ASPM: variants seen among roughly 807,000 people sequenced by gnomAD.
ASPM encodes the protein abnormal spindle-like microcephaly-associated protein.
In ASPM, 256 loss-of-function variants were observed where a neutral mutation model predicts 366.4. That is an observed-to-expected ratio of 0.70 (90% confidence interval 0.63 to 0.77). ASPM has a LOEUF of 0.77. Among genes scored for constraint, ASPM ranks in the 30% least tolerant of loss-of-function variants. The pLI is 0.00. For missense variants in ASPM, 4,146 were observed against 4,090.4 expected (o/e 1.01, Z -0.37); for synonymous variants, 1,414 against 1,342.9 (o/e 1.05, Z -1.16).
At chr1:197,144,794 T>G (rs1658718029) in intron 1 of ASPM, among the ~76,000 whole-genome samples, 1 of 152,142 alleles carries the variant, frequency 6.6e-6, no homozygotes, top group Non-Finnish European at 1.5e-5. Flanking sequence ...TCTGCCAAAT[T>G]TAAACGCTGA....
rs1657937081 is a variant in ASPM at position 197,122,372 on chromosome 1, A to G, written c.3598+16T>C. 1 of 1,613,458 alleles carries G rather than the reference A, an allele frequency of 6.2e-7. No homozygotes were observed. The highest frequency in any genetic ancestry group is 1.3e-5 in the African/African-American group (1 of 74,922). On this transcript the variant is annotated intron_variant, in intron 14 of 27. Coordinates refer to ENST00000367409, the MANE Select transcript of ASPM (RefSeq NM_018136.5). ...GACATGGCAAAAAATTGGAAAAGTA[A>G]CCAAAAGGGACTAACCATGATCAAA...
intron 17 of ASPM, among the ~76,000 whole-genome samples, chr1:197,113,408 T>C (rs1293820719): frequency 1.1e-4 from 17 of 152,052 alleles, no homozygotes; most frequent in Non-Finnish European, 2.9e-5. Context: ...ATACTGAAGG[T>C]AGCATGGCAA....
At chr1:197,088,521 T>C (rs1419853454) in intron 25 of ASPM, 89 bp from the exon 26 acceptor site, 3 of 1,324,012 alleles carry the variant, frequency 2.3e-6, no homozygotes, top group Non-Finnish European at 3.1e-6. Flanking sequence ...CAAAAGTCCA[T>C]ACTTAGTATA....
At chr1:197,128,792 T>A in intron 9 of ASPM, 127 bp from the exon 10 acceptor site, 1 of 783,294 alleles carries the variant, frequency 1.3e-6, no homozygotes, top group Non-Finnish European at 2.0e-6. Flanking sequence ...TATTATACAT[T>A]AATAATGCAA....
At chr1:197,146,095 G>T in intron 1 of ASPM, 46 bp downstream of exon 1, 2 of 1,611,508 alleles carry the variant, frequency 1.2e-6, no homozygotes, top group Non-Finnish European at 1.7e-6. Context: ...GAAAGATAGC[G>T]GAGAAGCAGA....
Position 197,104,520 on chromosome 1 carries a change from A to C in ASPM, c.4731T>G (p.Val1577=), listed in dbSNP as rs372564562. 51 of 1,612,452 alleles carry C rather than the reference A, an allele frequency of 3.2e-5. No individual in the cohort carries two copies. Among genetic ancestry groups the C allele is most frequent in the Non-Finnish European group, 4.2e-5 (50 of 1,179,306 alleles). Residue 1577 remains valine, a synonymous_variant, in exon 18 of 28, where the codon GTT becomes GTG. Transcript: ENST00000367409. ...TAGTCTTCTTAAGGTTTAAAAATCG[A>C]ACTCTGTCTTGTCTCATTCTCCAGT... ...QSYWRMRQDR[V]RFLNLKKTII...
In ASPM at chr1:197,084,472, T is replaced by C. The variant is rs190732818; in HGVS notation, c.10332-46A>G. Reference sequence around the variant, plus strand: ...GTCTGGCATTAATAAAGTTCTTCTCTTTAGAGTTACCTTCACCTTTTTTCT... The same window carrying C: ...GTCTGGCATTAATAAAGTTCTTCTCCTTAGAGTTACCTTCACCTTTTTTCT... On this transcript the variant is annotated intron_variant, in intron 27 of 27. Transcript: ENST00000367409. 1.6e-4 allele frequency: 212 copies of C among 1,341,332 alleles called. No homozygotes were observed. The African/African-American group carries it at 2.7e-3, about 17-fold the overall frequency. 83.1% of individuals were successfully genotyped at this position (1,341,332 alleles called of 1,614,324 possible). A position where few individuals can be genotyped will look rare whatever the true frequency, so the allele number is the denominator to read the frequency against.
rs1217341907 is a variant in ASPM at position 197,128,615 on chromosome 1, T to C, written c.2811A>G (p.Glu937=). The part of the protein sequence containing the change: ...LAFSRDFLSG[E]GDLSRHLGLL... ...AGCCAAGGTGACGGGAAAGGTCACC[T>C]TCACCACTTAGGAAATCTCGTGAAA... Residue 937 remains glutamate, a synonymous_variant, in exon 10 of 28, where the codon GAA becomes GAG. Transcript: ENST00000367409. 6.8e-6 allele frequency: 11 copies of C among 1,613,796 alleles called. No individual in the cohort carries two copies. Among genetic ancestry groups the C allele is most frequent in the Admixed American group, 6.7e-5 (4 of 59,978 alleles).
In ASPM at chr1:197,090,387, G is replaced by A; in HGVS notation, c.9638C>T (p.Ala3213Val). ...KFTSGIIKIQ[A>V]LWRGYSWRKK... ...CCTCCAAGAATAGCCTCTCCATAAT[G>A]CCTTAAAGAGATAAAACAGAGTAAT... Residue 3213 changes from alanine (A) to valine (V), a missense_variant and splice_region_variant, in exon 24 of 28, where the codon GCA becomes GTA. Around this residue, in one of 3 missense-constraint regions of ASPM, gnomAD observed 3,624 missense variants for 3,591.7 expected, o/e 1.01. Coordinates refer to ENST00000367409, the MANE Select transcript of ASPM (RefSeq NM_018136.5). 1 of 1,600,402 alleles carries A rather than the reference G, an allele frequency of 6.2e-7. No individual in the cohort carries two copies. Among genetic ancestry groups the A allele is most frequent in the South Asian group, 1.1e-5 (1 of 90,356 alleles).
At chr1:197,087,629 A>G (rs1187594573) in intron 26 of ASPM, among the ~76,000 whole-genome samples, 1 of 152,158 alleles carries the variant, frequency 6.6e-6, no homozygotes, top group Non-Finnish European at 1.5e-5. Flanking sequence ...TCTTCTACTT[A>G]CCTCTCAGCG....
chr1:197,107,930 T>G (rs1018147597), intron 17 of ASPM, among the ~76,000 whole-genome samples: 1 of 152,084 alleles, frequency 6.6e-6, no homozygotes, highest in Non-Finnish European at 1.5e-5. Context: ...TGTGACCATA[T>G]TCTAAAAAAC....
chr1:197,135,771 C>A (rs1383173384), intron 4 of ASPM, among the ~76,000 whole-genome samples: 1 of 151,594 alleles, frequency 6.6e-6, no homozygotes, highest in African/African-American at 2.4e-5. Flanking sequence ...GGCAACATGG[C>A]AAAACCCCGT....
intron 10 of ASPM, among the ~76,000 whole-genome samples, chr1:197,128,190 T>G (rs1344050933): frequency 6.6e-6 from 1 of 151,494 alleles, no homozygotes; most frequent in Non-Finnish European, 1.5e-5. Flanking sequence ...GTTATTTCAA[T>G]GTTTGATATT....
In ASPM at chr1:197,103,157, G is replaced by A. The variant is rs1294481719; in HGVS notation, c.6094C>T (p.Arg2032Cys). ...AAVVTLQSAY[R>C]GMKVRKRIKD... ...ATTCTTTTTCTCACTTTCATACCAC[G>A]ATAAGCTGACTGTAAAGTTACTACA... Residue 2032 changes from arginine to cysteine, a missense_variant, in exon 18 of 28, where the codon CGT (arginine) becomes TGT (cysteine). By Grantham distance (180) the Arg-to-Cys change is radical (BLOSUM62 -3). This residue lies in a region of ASPM where 3,624 missense variants were observed against 3,591.7 expected (regional missense o/e 1.01). Transcript: ENST00000367409. The A allele has an allele frequency of 1.9e-6, 3 of 1,612,478 alleles. No individual in the cohort carries two copies. Among genetic ancestry groups the A allele is most frequent in the East Asian group, 2.2e-5 (1 of 44,828 alleles).
chr1:197,124,495 A>G (rs188110666), intron 12 of ASPM, among the ~76,000 whole-genome samples, 164 bp from the exon 13 acceptor site: 1 of 152,186 alleles, frequency 6.6e-6, no homozygotes, highest in East Asian at 1.9e-4. Flanking sequence ...TGGATATTTT[A>G]GTACAAAACA....
intron 5 of ASPM, among the ~76,000 whole-genome samples, chr1:197,133,837 C>T (rs745503056): frequency 2.6e-5 from 4 of 152,086 alleles, no homozygotes; most frequent in Non-Finnish European, 5.9e-5. Flanking sequence ...ATCTCTAATC[C>T]GGACTAATGA....
chr1:197,107,473 A>G (rs1657448619), intron 17 of ASPM, among the ~76,000 whole-genome samples: 1 of 152,162 alleles, frequency 6.6e-6, no homozygotes, highest in African/African-American at 2.4e-5. Context: ...GGATTTAAAC[A>G]AAACATAGAG....
intron 10 of ASPM, among the ~76,000 whole-genome samples, chr1:197,126,349 G>A (rs1658087872): frequency 6.7e-6 from 1 of 150,098 alleles, no homozygotes; most frequent in Non-Finnish European, 1.5e-5. Flanking sequence ...GCTGAGGCAG[G>A]AGAATCGCTA....
intron 10 of ASPM, among the ~76,000 whole-genome samples, chr1:197,126,692 TAA>T (rs1240355498): frequency 6.6e-6 from 1 of 152,150 alleles, no homozygotes; most frequent in Non-Finnish European, 1.5e-5. Flanking sequence ...AAAGCTGCAG[TAA>T]AAAGACTATT....
Sources: allele counts gnomAD v4.1 joint callset (sites outside exome capture counted in the v4.1 genomes callset), GRCh38; gene constraint gnomAD v4.1.1; regional missense constraint gnomAD v4.1.1; transcripts MANE v1.5; gene names NCBI Gene and HGNC (gene_info 2026-07-23, HGNC 2026-07-21).